FNBP4: variants seen among roughly 807,000 people sequenced by gnomAD.
FNBP4 encodes formin-binding protein 4.
FNBP4 carries 34 observed loss-of-function variants against 119.3 expected under a neutral mutation model. That is an observed-to-expected ratio of 0.28 (90% CI 0.22 to 0.38). The LOEUF (loss-of-function observed/expected upper bound fraction) is 0.38. Among genes scored for constraint, FNBP4 ranks in the 10% least tolerant of loss-of-function variants. FNBP4 has a pLI of 1.00. For missense variants in FNBP4, 1,112 were observed against 1,228.9 expected (o/e 0.90, Z 1.42); for synonymous variants, 462 against 430.6 (o/e 1.07, Z -0.90).
chr11:47,752,616 C>G (rs2097606414), intron 4 of FNBP4: 1 of 226,806 alleles, frequency 4.4e-6, no homozygotes, highest in South Asian at 8.1e-5. Context: ...CGAGACCAGC[C>G]TTGGGCAACA....
At chr11:47,762,131 TC>T (rs1353201984) in intron 2 of FNBP4, among the ~76,000 whole-genome samples, 9 of 138,750 alleles carry the variant, frequency 6.5e-5, no homozygotes, top group Admixed American at 3.8e-4. Flanking sequence ...AGGCACAGCG[TC>T]TGGCTGTTTT....
intron 2 of FNBP4, among the ~76,000 whole-genome samples, chr11:47,761,802 G>A (rs2097635308): frequency 6.6e-6 from 1 of 151,560 alleles, no homozygotes; most frequent in Non-Finnish European, 1.5e-5. Context: ...AGGTGTCACT[G>A]ACCTATAAGC....
chr11:47,729,731 T>C (rs1158602339), intron 12 of FNBP4: 2 of 985,348 alleles, frequency 2.0e-6, no homozygotes, highest in East Asian at 2.3e-4. Flanking sequence ...GTTTTGTTTT[T>C]TCTCTTCTTT....
intron 12 of FNBP4, among the ~76,000 whole-genome samples, chr11:47,727,863 G>A (rs2097562918): frequency 6.6e-6 from 1 of 152,126 alleles, no homozygotes; most frequent in Non-Finnish European, 1.5e-5. Context: ...TGAAGCCCAA[G>A]GACAGATTAA....
intron 15 of FNBP4, among the ~76,000 whole-genome samples, chr11:47,722,234 A>C (rs950245553): frequency 2.0e-5 from 2 of 98,944 alleles, no homozygotes; most frequent in East Asian, 5.7e-4. Flanking sequence ...TGATAAGACC[A>C]ATTTTTATCC....
Position 47,717,143 on chromosome 11 carries a change from C to T in FNBP4, c.*279G>A, listed in dbSNP as rs556740099. The T allele has an allele frequency of 2.6e-5, 8 of 309,170 alleles. No homozygotes were observed. Among genetic ancestry groups the T allele is most frequent in the African/African-American group, 1.5e-4 (7 of 46,546 alleles). 19.2% of individuals were successfully genotyped at this position (309,170 alleles called of 1,614,324 possible). Reference sequence around the variant, plus strand: ...GTGTTATACTCATGAGCCACATGTTCTTCAAGACTGATGAGGTTAATACAC... The same window carrying T: ...GTGTTATACTCATGAGCCACATGTTTTTCAAGACTGATGAGGTTAATACAC... On this transcript the variant is annotated 3_prime_UTR_variant, in exon 17 of 17. Transcript: ENST00000263773.
chr11:47,717,645 T>G, intron 16 of FNBP4, 133 bp from the exon 17 acceptor site: 1 of 690,094 alleles, frequency 1.4e-6, no homozygotes. Context: ...ATCTTTTGTT[T>G]CTCAGCCAAA....
intron 12 of FNBP4, among the ~76,000 whole-genome samples, chr11:47,728,363 C>T (rs2097563520): frequency 6.6e-6 from 1 of 151,926 alleles, no homozygotes; most frequent in African/African-American, 2.4e-5. Context: ...GATTCTCCTG[C>T]CTCAGCCTCC....
intron 8 of FNBP4, among the ~76,000 whole-genome samples, chr11:47,742,504 A>AAAAAAAAAAAAAC (rs2097583689): frequency 1.3e-5 from 2 of 149,200 alleles, no homozygotes; most frequent in Non-Finnish European, 3.0e-5. Flanking sequence ...AAAAAAAAAA[A>AAAAAAAAAAAAAC]AGGACCACGG....
At chr11:47,762,673 G>A (rs1048090607) in intron 2 of FNBP4, among the ~76,000 whole-genome samples, 1 of 151,976 alleles carries the variant, frequency 6.6e-6, no homozygotes, top group African/African-American at 2.4e-5. Flanking sequence ...AGCACTTTGG[G>A]AGGCTGAGGC....
chr11:47,744,099 A>G lies in FNBP4; in HGVS notation c.1310T>C (p.Ile437Thr). ...SVSGSSPRSD[I>T]SQPASQDGMR... The stretch of plus-strand genomic sequence containing the variant: ...TCCATCTTGAGATGCTGGCTGGCTG[A>G]TATCAGAACGTGGACTAGACCCTGA... Residue 437 changes from isoleucine to threonine, a missense_variant, in exon 8 of 17, where the codon ATC becomes ACC. Physicochemically the swap from Ile to Thr is moderately conservative, Grantham distance 89. Coordinates refer to ENST00000263773, the MANE Select transcript of FNBP4 (RefSeq NM_015308.5). 1.2e-6 allele frequency: 2 copies of G among 1,614,148 alleles called. No homozygotes were observed. The highest frequency in any genetic ancestry group is 1.7e-6 in the Non-Finnish European group (2 of 1,180,028).
intron 6 of FNBP4, among the ~76,000 whole-genome samples, chr11:47,748,427 C>T (rs1373187359): frequency 1.3e-5 from 2 of 151,458 alleles, no homozygotes; most frequent in Non-Finnish European, 2.9e-5. Flanking sequence ...TCACTCTGTC[C>T]AGGCTGGAAC....
rs1333699362 is a variant in FNBP4, at chr11:47,732,070, A to G, written c.1820+467T>C. On this transcript the variant is annotated intron_variant, in intron 11 of 16. Coordinates refer to ENST00000263773, the MANE Select transcript of FNBP4 (RefSeq NM_015308.5). This position sits in a 1 kb window ranked among gnomAD's most constrained non-coding sequence, Gnocchi z 4.2. ...AGAGCAAAGATTTCAAATAACGAAA[A>G]AAAAATCAAGAAAAGCCAAATATAT... 1.0e-6 allele frequency: 1 copy of G among 992,298 alleles called. No homozygotes were observed. Among genetic ancestry groups the G allele is most frequent in the Non-Finnish European group, 1.2e-6 (1 of 834,750 alleles). The allele number at this position is 992,298 out of a possible 1,614,324, so 61.5% of individuals were successfully genotyped here.
chr11:47,743,756 C>CCT, intron 8 of FNBP4, 197 bp downstream of exon 8: 1 of 588,020 alleles, frequency 1.7e-6, no homozygotes, highest in Non-Finnish European at 3.0e-6. Context: ...TGGGTGTCAG[C>CCT]CTCTCAGGCT....
intron 2 of FNBP4, among the ~76,000 whole-genome samples, chr11:47,757,967 C>T (rs935779985): frequency 9.9e-5 from 15 of 152,226 alleles, no homozygotes; most frequent in African/African-American, 3.6e-4. Flanking sequence ...CCCACCATGC[C>T]TGGCTAATTT....
chr11:47,760,043 T>C (rs1277814748), intron 2 of FNBP4, among the ~76,000 whole-genome samples: 1 of 152,168 alleles, frequency 6.6e-6, no homozygotes, highest in Non-Finnish European at 1.5e-5. Context: ...GTAAGCTGCA[T>C]GGTATTTTCA....
intron 8 of FNBP4, 99 bp from the exon 9 acceptor site, chr11:47,736,839 T>C: frequency 2.8e-6 from 3 of 1,073,284 alleles, no homozygotes; most frequent in Non-Finnish European, 4.0e-6. Flanking sequence ...GATTATTAGT[T>C]CTTTCTCTCT....
intron 8 of FNBP4, among the ~76,000 whole-genome samples, chr11:47,738,464 C>A (rs1296817124): frequency 6.6e-6 from 1 of 151,930 alleles, no homozygotes; most frequent in Non-Finnish European, 1.5e-5. Flanking sequence ...ACTCAGGGGG[C>A]CGAGGCAGGA....
chr11:47,753,542 C>T (rs1338329887), intron 3 of FNBP4, among the ~76,000 whole-genome samples: 3 of 151,526 alleles, frequency 2.0e-5, no homozygotes, highest in African/African-American at 2.4e-5. Flanking sequence ...ATCTGGGAGG[C>T]GGGGATTGCA....
Sources: gnomAD v4.1 joint callset for allele counts (sites outside exome capture counted in the v4.1 genomes callset) on GRCh38, gnomAD v4.1.1 for gene constraint, Gnocchi (gnomAD v3.1) non-coding constraint, MANE v1.5 for transcripts, NCBI Gene and HGNC (gene_info 2026-07-23, HGNC 2026-07-21) for gene names.